The following TCEA3 variants were observed in gnomAD, a reference collection of about 807,000 sequenced individuals.
The protein encoded by TCEA3 is transcription elongation factor A3, also known as transcription elongation factor A protein 3.
TCEA3 carries 36 observed loss-of-function variants against 44.0 expected under a neutral mutation model. The observed-to-expected ratio is 0.82, with a 90% CI of 0.63 to 1.08. TCEA3 has a LOEUF of 1.08. TCEA3 is among the 50% of genes least tolerant of loss of function. The pLI is 0.00. For synonymous variants in TCEA3, 162 were observed against 159.7 expected (o/e 1.01, Z -0.11); for missense variants, 392 against 441.2 (o/e 0.89, Z 1.00).
intron 5 of TCEA3, 68 bp downstream of exon 5, chr1:23,408,596 A>G (rs1281037108): frequency 6.6e-7 from 1 of 1,516,774 alleles, no homozygotes; most frequent in Non-Finnish European, 9.0e-7. Context: ...GGCTTCCTCC[A>G]TAAAAACAGA....
intron 8 of TCEA3, among the ~76,000 whole-genome samples, chr1:23,392,410 ATG>A (rs1639066790): frequency 2.8e-3 from 14 of 4,914 alleles, no homozygotes; most frequent in Admixed American, 4.7e-3. Flanking sequence ...ACACATCATC[ATG>A]CACAATACAC....
intron 9 of TCEA3, among the ~76,000 whole-genome samples, chr1:23,384,851 G>C (rs1638781769): frequency 6.6e-6 from 1 of 151,636 alleles, no homozygotes; most frequent in South Asian, 2.1e-4. Flanking sequence ...TTTCACTCTT[G>C]TTGGTCACTC....
intron 10 of TCEA3, chr1:23,383,408 T>G (rs530131190): frequency 2.1e-6 from 2 of 939,574 alleles, no homozygotes; most frequent in African/African-American, 3.5e-5. Context: ...AAAGTAAGAA[T>G]AACATTATAA....
intron 4 of TCEA3, among the ~76,000 whole-genome samples, chr1:23,411,294 T>C (rs1275761958): frequency 6.6e-6 from 1 of 152,148 alleles, no homozygotes; most frequent in African/African-American, 2.4e-5. Context: ...GTAGCTGGGA[T>C]TACAGGCACG....
Position 23,384,217 on chromosome 1 carries a change from A to G in TCEA3, c.1038+129T>C, listed in dbSNP as rs575071554. ...AATCCGCCACTATCTCTGGCTCTGC[A>G]GACCTACTCTGTGCAGGCTGGCAAG... On this transcript the variant is annotated intron_variant, in intron 10 of 10. Coordinates refer to ENST00000450454, the MANE Select transcript of TCEA3 (RefSeq NM_003196.3). The G allele has an allele frequency of 9.1e-6, 14 of 1,546,068 alleles. No homozygotes were observed. In the Admixed American group the frequency reaches 2.6e-4, roughly 28 times the overall value.
At chr1:23,383,095 C>T (rs367869039) in intron 10 of TCEA3, among the ~76,000 whole-genome samples, 16 of 152,048 alleles carry the variant, frequency 1.1e-4, no homozygotes, top group Admixed American at 3.3e-4. Context: ...CTGGCTAACA[C>T]GGTGAAACCC....
intron 1 of TCEA3, among the ~76,000 whole-genome samples, chr1:23,422,934 C>T (rs906604853): frequency 4.6e-5 from 7 of 152,196 alleles, no homozygotes; most frequent in Non-Finnish European, 7.3e-5. Flanking sequence ...GGTCTCTAGG[C>T]GTCCCCACCC....
intron 5 of TCEA3, among the ~76,000 whole-genome samples, chr1:23,406,048 C>T (rs1474411701): frequency 6.6e-6 from 1 of 152,162 alleles, no homozygotes; most frequent in Non-Finnish European, 1.5e-5. Context: ...TAAATGACCC[C>T]TGCTGAGATC....
chr1:23,419,017 T>TC, intron 2 of TCEA3, 60 bp downstream of exon 2: 2 of 867,970 alleles, frequency 2.3e-6, no homozygotes, highest in Non-Finnish European at 1.6e-6. Flanking sequence ...CAGGGGTCTT[T>TC]CCCTCCCCCA....
intron 9 of TCEA3, among the ~76,000 whole-genome samples, chr1:23,386,141 C>T (rs889636006): frequency 6.6e-6 from 1 of 152,218 alleles, no homozygotes; most frequent in African/African-American, 2.4e-5. Context: ...TGTCTAGAAG[C>T]CACAGGTGCA....
chr1:23,392,468 A>G (rs1639074524), intron 8 of TCEA3, among the ~76,000 whole-genome samples: 1 of 138,058 alleles, frequency 7.2e-6, no homozygotes, highest in Non-Finnish European at 1.5e-5. Context: ...TCCACACATC[A>G]TACACACCAC....
At chr1:23,383,205 G>C (rs1351787925) in intron 10 of TCEA3, among the ~76,000 whole-genome samples, 1 of 151,392 alleles carries the variant, frequency 6.6e-6, no homozygotes, top group African/African-American at 2.4e-5. Context: ...GTGTGAACCT[G>C]GGGGGTGGAG....
At chr1:23,392,411 T>TAAA in intron 8 of TCEA3, among the ~76,000 whole-genome samples, 1 of 2,990 alleles carries the variant, frequency 3.3e-4, no homozygotes, top group Non-Finnish European at 5.7e-4. Flanking sequence ...CACATCATCA[T>TAAA]GCACAATACA....
intron 9 of TCEA3, among the ~76,000 whole-genome samples, chr1:23,385,995 GTTCCC>G (rs1395414707): frequency 1.3e-5 from 2 of 152,110 alleles, no homozygotes; most frequent in Non-Finnish European, 1.5e-5. Context: ...ACATTGCCAA[GTTCCC>G]TTCCAACTGT....
At chr1:23,392,423 ACACACTCCACACATCATGCAC>A (rs1639070044) in intron 8 of TCEA3, among the ~76,000 whole-genome samples, 1 of 7,124 alleles carries the variant, frequency 1.4e-4, no homozygotes, top group African/African-American at 4.9e-4. Context: ...CACAATACAC[ACACACTCCACACATCATGCAC>A]AATACACACA....
Position 23,404,014 on chromosome 1 carries a change from C to T in TCEA3, c.443+4650G>A, listed in dbSNP as rs1409076907. The T allele has an allele frequency of 4.5e-6, 3 of 662,898 alleles. No individual in the cohort carries two copies. In the Admixed American group the frequency reaches 6.3e-5, roughly 14 times the overall value. 41.1% of individuals were successfully genotyped at this position (662,898 alleles called of 1,614,324 possible). On this transcript the variant is annotated intron_variant, in intron 5 of 10. Transcript: ENST00000450454. ...GGGAGGTTGGATTTATCAACAGCTT[C>T]CTTCTGCTCCCCGGATGTGCCCGCA...
intron 1 of TCEA3, among the ~76,000 whole-genome samples, chr1:23,420,599 G>T (rs1640033362): frequency 6.6e-6 from 1 of 152,196 alleles, no homozygotes; most frequent in Non-Finnish European, 1.5e-5. Context: ...ATAGGTTCCA[G>T]TTTGGGGCTG....
intron 5 of TCEA3, among the ~76,000 whole-genome samples, chr1:23,401,915 G>A (rs751847134): frequency 1.3e-5 from 2 of 152,168 alleles, no homozygotes; most frequent in Non-Finnish European, 2.9e-5. Context: ...ATCAGAGGTG[G>A]AACAGTTTCG....
intron 9 of TCEA3, 121 bp downstream of exon 9, chr1:23,387,152 A>G: frequency 7.5e-7 from 1 of 1,325,710 alleles, no homozygotes; most frequent in Non-Finnish European, 1.0e-6. Context: ...CGCACCCGGC[A>G]AAGCCTAGAG....
Sources: gnomAD v4.1 joint callset for allele counts (sites outside exome capture counted in the v4.1 genomes callset) on GRCh38, gnomAD v4.1.1 for gene constraint, MANE v1.5 for transcripts, NCBI Gene and HGNC (gene_info 2026-07-23, HGNC 2026-07-21) for gene names.